The following ABR variants were observed in gnomAD, a reference collection of about 807,000 sequenced individuals.
The protein encoded by ABR is ABR activator of RhoGEF and GTPase.
ABR carries 35 observed loss-of-function variants against 107.2 expected under a neutral mutation model. The observed-to-expected ratio is 0.33, with a 90% CI of 0.25 to 0.43. The LOEUF (loss-of-function observed/expected upper bound fraction) is 0.43. ABR is among the 20% of genes least tolerant of loss of function. The probability of loss-of-function intolerance (pLI) is 1.00; values close to 1 mark genes in which losing one functional copy is unlikely to be tolerated. For missense variants in ABR, 815 were observed against 1,115.2 expected, an observed-to-expected ratio of 0.73 and a Z score of 3.83; for synonymous variants, 498 against 462.0, an observed-to-expected ratio of 1.08 and a Z score of -1.00.
Position 1,215,749 on chromosome 17 carries a change from G to A in ABR, c.838+13044C>T, listed in dbSNP as rs182085804. Among the ~76,000 whole-genome samples the A allele has an allele frequency of 3.4e-3, 519 of 152,162 alleles. 3 individuals carry two copies. Among genetic ancestry groups the A allele is most frequent in the Non-Finnish European group, 5.8e-3 (395 of 68,002 alleles). On this transcript the variant is annotated intron_variant, in intron 1 of 22. Transcript: ENST00000574139. ...TCGAATAGAAAAGGGGGAAATGTGG[G>A]GAAAAGAAGGAGAAATCGGATTGTT...
chr17:1,195,730 G>A (rs932308912), intron 1 of ABR, among the ~76,000 whole-genome samples: 1 of 151,024 alleles, frequency 6.6e-6, no homozygotes. Context: ...TGTGAACCCG[G>A]GAGGCAAAGG....
rs33922708 is a variant in ABR at position 1,113,278 on chromosome 17, A to ATTTT, written c.246+11901_246+11904dup. ...GGATAACATGGAAACACCTATTGCG[A>ATTTT]TTTTTTTTTTTTTTTTTTTTTTTTT... is the stretch of plus-strand genomic sequence containing the variant. On this transcript the variant is annotated intron_variant, in intron 2 of 22. Coordinates refer to ENST00000302538, the MANE Select transcript of ABR (RefSeq NM_021962.5). Among the ~76,000 whole-genome samples the ATTTT allele has an allele frequency of 1.8e-4, 19 of 104,130 alleles. 1 individual carries two copies. Among genetic ancestry groups the ATTTT allele is most frequent in the African/African-American group, 5.6e-4 (15 of 26,614 alleles). 68.3% of individuals were successfully genotyped at this position (104,130 alleles called of 152,430 possible).
Position 1,046,983 on chromosome 17 carries a change from A to G in ABR, c.1791+3067T>C, listed in dbSNP as rs894850683. Among the ~76,000 whole-genome samples the G allele has an allele frequency of 2.0e-5, 3 of 151,160 alleles. No homozygotes were observed. The East Asian group carries it at 5.8e-4, about 29-fold the overall frequency. ...TGTCACTAAATGCTTCCCCCACCCCACCCCGCCGCTGAGACTCCTGCCCCA... is the reference window on the plus strand; with the variant it reads ...TGTCACTAAATGCTTCCCCCACCCCGCCCCGCCGCTGAGACTCCTGCCCCA... On this transcript the variant is annotated intron_variant, in intron 16 of 22. Coordinates refer to ENST00000302538, the MANE Select transcript of ABR (RefSeq NM_021962.5).
intron 1 of ABR, among the ~76,000 whole-genome samples, chr17:1,172,988 C>G (rs1479547216): frequency 5.8e-5 from 3 of 51,416 alleles, no homozygotes; most frequent in Non-Finnish European, 2.3e-4. Context: ...CACATCACCT[C>G]AGTCCACCCA....
chr17:1,145,755 G>C (rs926152368), intron 1 of ABR, among the ~76,000 whole-genome samples: 1 of 152,202 alleles, frequency 6.6e-6, no homozygotes, highest in African/African-American at 2.4e-5. Context: ...CAGGATGCAC[G>C]ACCCCTGCCT....
chr17:1,024,668 C>T (rs1029106495), intron 16 of ABR, among the ~76,000 whole-genome samples: 1 of 151,718 alleles, frequency 6.6e-6, no homozygotes, highest in African/African-American at 2.4e-5. Context: ...TGCCTGTAGA[C>T]CCAGCTACTT....
chr17:1,216,732 T>C (rs1474839662), intron 1 of ABR, among the ~76,000 whole-genome samples: 1 of 152,196 alleles, frequency 6.6e-6, no homozygotes, highest in East Asian at 1.9e-4. Flanking sequence ...GTCCTCTGCC[T>C]GTCTAAAGAC....
intron 5 of ABR, among the ~76,000 whole-genome samples, chr17:1,079,803 A>C (rs2036075525): frequency 1.1e-5 from 1 of 91,714 alleles, no homozygotes; most frequent in Non-Finnish European, 2.0e-5. Context: ...AAAAAAAAAA[A>C]AAAAAAAAAA....
intron 1 of ABR, among the ~76,000 whole-genome samples, chr17:1,194,610 A>G (rs2042511400): frequency 7.9e-6 from 1 of 126,174 alleles, no homozygotes; most frequent in Non-Finnish European, 1.7e-5. Context: ...CCCTGCCTCA[A>G]CTTCTTGCAT....
chr17:1,014,285 C>CA (rs1363244148), intron 16 of ABR, among the ~76,000 whole-genome samples: 3 of 135,690 alleles, frequency 2.2e-5, no homozygotes, highest in African/African-American at 8.3e-5. Flanking sequence ...ACTAAAAATA[C>CA]AAAAAATTAG....
intron 2 of ABR, among the ~76,000 whole-genome samples, chr17:1,123,225 C>T (rs943640485): frequency 8.5e-5 from 13 of 152,108 alleles, no homozygotes; most frequent in Admixed American, 3.3e-4. Flanking sequence ...TTTGCCCGGA[C>T]GATCCCCAGG....
At chr17:1,057,700 TGTGA>T in intron 12 of ABR, 39 of 422,570 alleles carry the variant, frequency 9.2e-5, no homozygotes, top group South Asian at 1.3e-4. Context: ...TGTGTGTGTG[TGTGA>T]GAGAGAGAGA....
intron 1 of ABR, among the ~76,000 whole-genome samples, chr17:1,152,298 AAGAC>A (rs2040831162): frequency 6.8e-6 from 1 of 147,344 alleles, no homozygotes; most frequent in Non-Finnish European, 1.5e-5. Context: ...AAAAAAAAAA[AAGAC>A]AGGACAGGCT....
intron 16 of ABR, among the ~76,000 whole-genome samples, chr17:1,039,041 A>T (rs1203963430): frequency 1.3e-5 from 2 of 152,162 alleles, no homozygotes; most frequent in East Asian, 3.9e-4. Flanking sequence ...TGGCCGGCTA[A>T]GATCAAACCC....
intron 1 of ABR, among the ~76,000 whole-genome samples, chr17:1,185,442 C>G (rs369347715): frequency 6.6e-6 from 1 of 151,932 alleles, no homozygotes; most frequent in Non-Finnish European, 1.5e-5. Flanking sequence ...GTCAGGAGTT[C>G]GAGACCAGCC....
intron 11 of ABR, among the ~76,000 whole-genome samples, 167 bp downstream of exon 11, chr17:1,058,578 A>G (rs747025391): frequency 9.2e-5 from 14 of 152,186 alleles, no homozygotes; most frequent in Non-Finnish European, 1.3e-4. Flanking sequence ...GAGGGCACTC[A>G]TTCCACACGA....
At chr17:1,193,897 T>C (rs1175496218) in intron 1 of ABR, among the ~76,000 whole-genome samples, 3 of 151,798 alleles carry the variant, frequency 2.0e-5, no homozygotes, top group Non-Finnish European at 2.9e-5. Context: ...GGTTTCACCG[T>C]GTTAGCCAGG....
At chr17:1,101,987 C>A (rs867759717) in intron 2 of ABR, among the ~76,000 whole-genome samples, 4 of 152,144 alleles carry the variant, frequency 2.6e-5, no homozygotes. Flanking sequence ...CCCGCCTTGG[C>A]CTCCCAAAGT....
At chr17:1,048,714 C>A (rs574601287) in intron 16 of ABR, among the ~76,000 whole-genome samples, 1 of 148,746 alleles carries the variant, frequency 6.7e-6, no homozygotes, top group East Asian at 2.0e-4. Context: ...AAGCTCGGCG[C>A]CCAGCTGCGC....
Sources: gnomAD v4.1 joint callset for allele counts (sites outside exome capture counted in the v4.1 genomes callset) on GRCh38, gnomAD v4.1.1 for gene constraint, MANE v1.5 for transcripts, NCBI Gene and HGNC (gene_info 2026-07-23, HGNC 2026-07-21) for gene names.